The following C17orf114 variants were observed in gnomAD, a reference collection of about 807,000 sequenced individuals.
C17orf114 encodes the protein chromosome 17 open reading frame 114, also known as uncharacterized protein C17orf114.
chr17:4,802,958 C>A (rs1317945790), upstream of C17orf114, among the ~76,000 whole-genome samples: 1 of 152,068 alleles, frequency 6.6e-6, no homozygotes, highest in Non-Finnish European at 1.5e-5. Context: ...CACTCTCTCG[C>A]CCAGGGTGGA....
At chr17:4,805,153 G>A (rs188063670), upstream of C17orf114, among the ~76,000 whole-genome samples, 3 of 152,262 alleles carry the variant, frequency 2.0e-5, no homozygotes, top group East Asian at 1.9e-4. Context: ...GTTTAAGACC[G>A]GGTGCGGTGG....
chr17:4,802,292 G>A, exon 1 of C17orf114: 2 of 399,662 alleles, frequency 5.0e-6, no homozygotes, highest in South Asian at 1.3e-4. Flanking sequence ...CCGCACCATG[G>A]GAAACACCAT....
upstream of C17orf114, among the ~76,000 whole-genome samples, chr17:4,803,000 T>G (rs947672918): frequency 1.3e-5 from 2 of 152,066 alleles, no homozygotes; most frequent in Non-Finnish European, 2.9e-5. Flanking sequence ...TCACTGCAAC[T>G]CTGCCTCCTG....
At chr17:4,801,279 G>A (rs1032853060) in exon 2 of C17orf114, 12 of 398,478 alleles carry the variant, frequency 3.0e-5, no homozygotes, top group African/African-American at 1.2e-4. Context: ...TCACCTCCTC[G>A]TCGTCCCCTT....
At chr17:4,801,812 C>G (rs1196776879) in intron 1 of C17orf114, among the ~76,000 whole-genome samples, 3 of 151,682 alleles carry the variant, frequency 2.0e-5, no homozygotes, top group Middle Eastern at 3.2e-3. Context: ...CTCACTGCAA[C>G]CTCCGCCTCC....
upstream of C17orf114, among the ~76,000 whole-genome samples, chr17:4,804,605 T>C (rs1375140524): frequency 7.1e-5 from 8 of 112,780 alleles, no homozygotes; most frequent in African/African-American, 2.3e-4. Flanking sequence ...GTTTCTTTCT[T>C]TTTTTTTTTT....
chr17:4,806,471 T>C (rs889032187), upstream of C17orf114, among the ~76,000 whole-genome samples: 1 of 152,200 alleles, frequency 6.6e-6, no homozygotes, highest in Admixed American at 6.5e-5. Flanking sequence ...TATCTTGTAT[T>C]TTAATACCCG....
upstream of C17orf114, among the ~76,000 whole-genome samples, chr17:4,802,935 G>A (rs972772126): frequency 1.3e-5 from 2 of 151,488 alleles, no homozygotes; most frequent in Non-Finnish European, 2.9e-5. Context: ...CTTTTTTTTG[G>A]GGGACAGAGT....
At chr17:4,803,416 ATTTTTTTTTTTTT>A (rs34116712), upstream of C17orf114, among the ~76,000 whole-genome samples, 2 of 75,450 alleles carry the variant, frequency 2.7e-5, no homozygotes, top group East Asian at 8.7e-4. Context: ...GTTTTTTTTA[ATTTTTTTTTTTTT>A]TTTTTTTTTT....
At chr17:4,802,750 TA>T (rs71367856), upstream of C17orf114, among the ~76,000 whole-genome samples, 14,848 of 152,246 alleles carry the variant, frequency 0.098, 813 homozygotes, top group East Asian at 0.24. Flanking sequence ...AAGAATACTC[TA>T]TTTTTTTAGA....
chr17:4,804,208 CTTTTTTT>C (rs35137655), upstream of C17orf114, among the ~76,000 whole-genome samples: 5 of 141,504 alleles, frequency 3.5e-5, no homozygotes, highest in South Asian at 2.3e-4. Context: ...TTTCTTTTTT[CTTTTTTT>C]TTTTTTTGAG....
chr17:4,805,588 C>T (rs1025010735), upstream of C17orf114, among the ~76,000 whole-genome samples: 4 of 150,270 alleles, frequency 2.7e-5, no homozygotes, highest in African/African-American at 7.4e-5. Flanking sequence ...AGCCGGAAAT[C>T]CCTTGAACCT....
upstream of C17orf114, among the ~76,000 whole-genome samples, chr17:4,804,985 C>T (rs1321168265): frequency 6.6e-6 from 1 of 152,144 alleles, no homozygotes; most frequent in South Asian, 2.1e-4. Flanking sequence ...GTGTATGCTC[C>T]TATGCAATCA....
intron 1 of C17orf114, 107 bp from the exon 2 acceptor site, chr17:4,801,562 G>T: frequency 7.7e-6 from 3 of 388,620 alleles, no homozygotes; most frequent in South Asian, 1.4e-4. Context: ...CCTGGGGCCT[G>T]GGGGCTGGTG....
At chr17:4,805,630 C>T (rs374859201), upstream of C17orf114, among the ~76,000 whole-genome samples, 2 of 151,484 alleles carry the variant, frequency 1.3e-5, no homozygotes, top group African/African-American at 2.4e-5. Flanking sequence ...GCCGAGATCA[C>T]GCCACTGCAG....
At position 4,802,331 on chromosome 17, in the gene C17orf114, A is replaced by C. The variant is rs111960495; in HGVS notation, c.-12T>G. The C allele has an allele frequency of 2.5e-6, 1 of 398,990 alleles. No individual in the cohort carries two copies. The highest frequency in any genetic ancestry group is 2.1e-5 in the African/African-American group (1 of 48,732). 24.7% of individuals were successfully genotyped at this position (398,990 alleles called of 1,614,324 possible). On this transcript the variant is annotated 5_prime_UTR_variant, in exon 1 of 2. Coordinates refer to ENST00000635921, the Ensembl canonical transcript of C17orf114. ...CCCTTCAGACCCATCTCAACAGTGG[A>C]GGCGATCAGAGCTGGGAATGGCCAG...
upstream of C17orf114, chr17:4,806,887 A>T (rs1905875252): frequency 6.7e-6 from 1 of 148,950 alleles, no homozygotes; most frequent in Non-Finnish European, 1.5e-5. Context: ...GCACGCTGGG[A>T]CCGACGGCGC....
upstream of C17orf114, among the ~76,000 whole-genome samples, chr17:4,804,206 T>C (rs1159851866): frequency 1.4e-5 from 2 of 148,134 alleles, no homozygotes; most frequent in African/African-American, 4.9e-5. Flanking sequence ...TTTTTCTTTT[T>C]TCTTTTTTTT....
chr17:4,805,048 G>A (rs1055109694), upstream of C17orf114, among the ~76,000 whole-genome samples: 2 of 151,892 alleles, frequency 1.3e-5, no homozygotes, highest in Non-Finnish European at 2.9e-5. Flanking sequence ...GTTCCCTCAC[G>A]TGTCCCTTTA....
Sources: allele counts gnomAD v4.1 joint callset (sites outside exome capture counted in the v4.1 genomes callset), GRCh38; gene constraint gnomAD v4.1.1; transcripts MANE v1.5; gene names NCBI Gene and HGNC (gene_info 2026-07-23, HGNC 2026-07-21).